FDFT1: variants seen among roughly 807,000 people sequenced by gnomAD.
The protein encoded by FDFT1 is farnesyl-diphosphate farnesyltransferase 1.
Under a neutral mutation model 46.8 loss-of-function variants are expected in FDFT1, and 68 were observed. The ratio of observed to expected loss-of-function variants is 1.45; its 90% CI spans 1.19 to 1.78. FDFT1 has a LOEUF of 1.78. Ranked by LOEUF, FDFT1 falls within the 40% of genes most tolerant of loss-of-function variation. The pLI is 0.00. For synonymous variants in FDFT1, 351 were observed against 185.1 expected (o/e 1.90, Z -7.28); for missense variants, 928 against 524.4 (o/e 1.77, Z -7.52).
At chr8:11,822,498 C>T (rs1293300) in intron 4 of FDFT1, among the ~76,000 whole-genome samples, 1,979 of 152,308 alleles carry the variant, frequency 0.013, 13 homozygotes, top group Non-Finnish European at 0.022. Context: ...CATACAATGA[C>T]TGCTAGAAAT....
chr8:11,827,023 C>G (rs1585972687), intron 5 of FDFT1, among the ~76,000 whole-genome samples: 1 of 152,180 alleles, frequency 6.6e-6, no homozygotes, highest in Non-Finnish European at 1.5e-5. Flanking sequence ...CAGGGTCGAT[C>G]TTTAATTAAA....
intron 3 of FDFT1, among the ~76,000 whole-genome samples, chr8:11,813,794 T>C (rs1416767484): frequency 1.3e-5 from 2 of 152,172 alleles, no homozygotes; most frequent in African/African-American, 4.8e-5. Context: ...GAAACAGAAT[T>C]ACCTGGAAGC....
intron 3 of FDFT1, among the ~76,000 whole-genome samples, chr8:11,811,279 A>G (rs761755991): frequency 2.9e-4 from 44 of 152,200 alleles, no homozygotes; most frequent in Non-Finnish European, 5.6e-4. Flanking sequence ...GCTGAAGCAG[A>G]GGAAGTAGTA....
chr8:11,808,835 C>G lies in FDFT1; in HGVS notation c.141C>G (p.Leu47=). ...GCCTGAAAACTTGCTACAAGTATCTCAATCAGACCAGTCGCAGTTTCGCAG... is the reference window on the plus strand; with the variant it reads ...GCCTGAAAACTTGCTACAAGTATCTGAATCAGACCAGTCGCAGTTTCGCAG... The part of the protein sequence containing the change: ...SSSLKTCYKY[L]NQTSRSFAAV... Residue 47 remains leucine (L), a synonymous_variant, in exon 2 of 8, where the codon CTC becomes CTG. Coordinates refer to ENST00000220584, the MANE Select transcript of FDFT1 (RefSeq NM_004462.5). The G allele has an allele frequency of 3.1e-6, 5 of 1,614,106 alleles. No homozygotes were observed. In the South Asian group the frequency reaches 3.3e-5, roughly 11 times the overall value.
At chr8:11,803,128 C>G in intron 1 of FDFT1, 197 bp downstream of exon 1, 3 of 1,430,998 alleles carry the variant, frequency 2.1e-6, no homozygotes, top group Non-Finnish European at 1.8e-6. Context: ...TGACCTGTCC[C>G]TGCCCCCGCA....
chr8:11,835,346 G>A (rs1489119616), intron 7 of FDFT1, among the ~76,000 whole-genome samples: 3 of 152,148 alleles, frequency 2.0e-5, no homozygotes, highest in African/African-American at 7.2e-5. Context: ...TGGCCTTACC[G>A]GCTCTGTTTT....
At chr8:11,798,564 G>A (rs1454594965), upstream of FDFT1, among the ~76,000 whole-genome samples, 3 of 152,210 alleles carry the variant, frequency 2.0e-5, no homozygotes, top group Non-Finnish European at 4.4e-5. Flanking sequence ...GAGAAAGGGC[G>A]TTATCAATGA....
intron 3 of FDFT1, among the ~76,000 whole-genome samples, chr8:11,820,623 C>CA (rs1809099782): frequency 6.6e-6 from 1 of 152,230 alleles, no homozygotes; most frequent in Middle Eastern, 3.2e-3. Flanking sequence ...AGCTTGATCT[C>CA]AGACTGCTTG....
intron 7 of FDFT1, among the ~76,000 whole-genome samples, chr8:11,832,576 A>AAAAAT (rs139242873): frequency 1.1e-4 from 15 of 134,886 alleles, no homozygotes; most frequent in African/African-American, 3.8e-4. Context: ...AAAAAAAAAA[A>AAAAAT]GTCTTAGAGA....
chr8:11,838,160 C>G (rs901777804), intron 7 of FDFT1, among the ~76,000 whole-genome samples: 1 of 152,176 alleles, frequency 6.6e-6, no homozygotes, highest in Non-Finnish European at 1.5e-5. Context: ...AGTATGCACA[C>G]CTGTGCCTCC....
intron 1 of FDFT1, among the ~76,000 whole-genome samples, chr8:11,804,440 C>A (rs562882876): frequency 6.6e-6 from 1 of 152,074 alleles, no homozygotes. Flanking sequence ...TTGAGCTATT[C>A]TAGCTCTGAT....
chr8:11,797,521 G>A (rs1163403914), upstream of FDFT1, among the ~76,000 whole-genome samples: 3 of 49,428 alleles, frequency 6.1e-5, no homozygotes, highest in East Asian at 1.9e-3. Flanking sequence ...AATGTTTGTT[G>A]CATTTAAAGA....
intron 3 of FDFT1, among the ~76,000 whole-genome samples, chr8:11,816,928 G>A (rs867282126): frequency 4.6e-5 from 7 of 152,268 alleles, no homozygotes; most frequent in South Asian, 4.1e-4. Context: ...GTGAGAGGAC[G>A]GCATCCTTGT....
rs1239174972 is a variant in FDFT1, at chr8:11,825,977, C to A, written c.511-47C>A. The A allele has an allele frequency of 2.2e-6, 3 of 1,373,616 alleles. No homozygotes were observed. The African/African-American group carries it at 4.3e-5, about 20-fold the overall frequency. The allele number at this position is 1,373,616 out of a possible 1,614,324, so 85.1% of individuals were successfully genotyped here. On this transcript the variant is annotated intron_variant, in intron 4 of 7. Coordinates refer to ENST00000220584, the MANE Select transcript of FDFT1 (RefSeq NM_004462.5). Reference sequence around the variant, plus strand: ...CTAATGATCTCTAGTGTGTCCATTTCAGTAAAAATTCCATTATTAAAGTGC... The same window carrying A: ...CTAATGATCTCTAGTGTGTCCATTTAAGTAAAAATTCCATTATTAAAGTGC...
chr8:11,830,145 C>A lies in FDFT1; in HGVS notation c.703-99C>A, dbSNP rs1207511008. 2.1e-5 allele frequency: 21 copies of A among 1,015,334 alleles called. No homozygotes were observed. The South Asian group carries it at 2.7e-4, about 13-fold the overall frequency. The allele number at this position is 1,015,334 out of a possible 1,614,324, so 62.9% of individuals were successfully genotyped here. ...ACAGGCGTGAGCCACGGCGCCCAGC[C>A]TGTATCATAGTTCTTATGCACAAAG... is the stretch of plus-strand genomic sequence containing the variant. On this transcript the variant is annotated intron_variant, in intron 5 of 7. Transcript: ENST00000220584.
intron 1 of FDFT1, among the ~76,000 whole-genome samples, chr8:11,807,437 A>G (rs1463188843): frequency 6.6e-6 from 1 of 152,192 alleles, no homozygotes; most frequent in Admixed American, 6.5e-5. Context: ...TGCAGGGATT[A>G]TAGGCGTGCG....
chr8:11,798,887 G>C (rs1412987642), upstream of FDFT1, among the ~76,000 whole-genome samples: 1 of 152,196 alleles, frequency 6.6e-6, no homozygotes, highest in Non-Finnish European at 1.5e-5. Context: ...ATTTAGAAAG[G>C]GAGAAGAGCC....
intron 1 of FDFT1, chr8:11,803,292 G>A (rs531050021): frequency 1.5e-6 from 2 of 1,316,540 alleles, no homozygotes; most frequent in East Asian, 5.0e-5. Flanking sequence ...GGACGAGTGA[G>A]TTTTTTGGTA....
intron 4 of FDFT1, among the ~76,000 whole-genome samples, chr8:11,825,343 A>C (rs1023687041): frequency 3.9e-5 from 6 of 151,950 alleles, no homozygotes; most frequent in African/African-American, 1.5e-4. Context: ...GGAGTTCGAG[A>C]CCAGCGTGGC....
Sources: allele counts gnomAD v4.1 joint callset (sites outside exome capture counted in the v4.1 genomes callset), GRCh38; gene constraint gnomAD v4.1.1; transcripts MANE v1.5; gene names NCBI Gene and HGNC (gene_info 2026-07-23, HGNC 2026-07-21).